Variants in AAK1 observed in about 807,000 individuals in gnomAD.
AAK1 encodes AP2 associated kinase 1.
In AAK1, 37 loss-of-function variants were observed where a neutral mutation model predicts 116.0. That is an observed-to-expected ratio of 0.32 (90% CI 0.25 to 0.42). AAK1 has a LOEUF of 0.42. Ranked by LOEUF, AAK1 falls within the 10% of genes least tolerant of loss-of-function variation. AAK1 has a pLI of 1.00. For synonymous variants in AAK1, 458 were observed against 439.9 expected (o/e 1.04, Z -0.51); for missense variants, 919 against 1,170.6 (o/e 0.79, Z 3.14).
At chr2:69,484,481 T>C (rs950905205) in intron 17 of AAK1, among the ~76,000 whole-genome samples, 1 of 152,198 alleles carries the variant, frequency 6.6e-6, no homozygotes, top group Non-Finnish European at 1.5e-5. Context: ...ATCTCATTTA[T>C]ACCTCGTTTA....
In AAK1 at chr2:69,465,505, A is replaced by G. The variant is rs763766817; in HGVS notation, c.*10364T>C. 5.4e-6 allele frequency: 7 copies of G among 1,290,886 alleles called. No homozygotes were observed. Among genetic ancestry groups the G allele is most frequent in the South Asian group, 3.7e-5 (3 of 81,020 alleles). 80.0% of individuals were successfully genotyped at this position (1,290,886 alleles called of 1,614,324 possible). The stretch of plus-strand genomic sequence containing the variant: ...GCTGGCAGCTCCGTAGTCCTGGAGG[A>G]AAGGGATGTGATAGAAACAGACCCA... On this transcript the variant is annotated 3_prime_UTR_variant, in exon 22 of 22. Transcript: ENST00000409085.
chr2:69,476,871 T>C lies in AAK1; in HGVS notation c.2791+9A>G, dbSNP rs1395806712. The stretch of plus-strand genomic sequence containing the variant: ...CAAGCTCTTCTCTTTTCCCCATCCT[T>C]TTTCTTACCTTGTGGGTTTTTGGTT... On this transcript the variant is annotated intron_variant, in intron 21 of 21. Transcript: ENST00000409085. The C allele has an allele frequency of 6.2e-7, 1 of 1,606,854 alleles. No individual in the cohort carries two copies. Among genetic ancestry groups the C allele is most frequent in the Non-Finnish European group, 8.5e-7 (1 of 1,174,514 alleles).
Position 69,508,585 on chromosome 2 carries a change from C to T in AAK1, c.2006+646G>A, listed in dbSNP as rs1032957362. On this transcript the variant is annotated intron_variant, in intron 14 of 21. Transcript: ENST00000409085. Reference sequence around the variant, plus strand: ...GTCTTGGAGAACTCACAAACCAGTTCGGTCAGACATACAAATAATTAACGA... The same window carrying T: ...GTCTTGGAGAACTCACAAACCAGTTTGGTCAGACATACAAATAATTAACGA... 5.9e-5 allele frequency among the ~76,000 whole-genome samples: 9 copies of T among 152,124 alleles called. No individual in the cohort carries two copies. The East Asian group carries it at 1.5e-3, about 26-fold the overall frequency.
At chr2:69,477,051 G>GGCACA in intron 20 of AAK1, 61 bp from the exon 21 acceptor site, 1 of 1,115,008 alleles carries the variant, frequency 9.0e-7, no homozygotes, top group Non-Finnish European at 1.3e-6. Flanking sequence ...GCAAATGAGA[G>GGCACA]AATGTGAAAG....
At position 69,465,404 on chromosome 2, in the gene AAK1, C is replaced by A; in HGVS notation, c.*10465G>T. ...TTGAGGGTGGGATAGAGACAAGAGG[C>A]TTGAGGCTCAGGTTTTGCTCCTAGG... On this transcript the variant is annotated 3_prime_UTR_variant, in exon 22 of 22. Transcript: ENST00000409085. 7.9e-7 allele frequency: 1 copy of A among 1,267,674 alleles called. No individual in the cohort carries two copies. The highest frequency in any genetic ancestry group is 2.4e-5 in the Admixed American group (1 of 41,888). 78.5% of individuals were successfully genotyped at this position (1,267,674 alleles called of 1,614,324 possible).
chr2:69,581,952 A>T (rs1672565380), intron 2 of AAK1, among the ~76,000 whole-genome samples: 1 of 152,100 alleles, frequency 6.6e-6, no homozygotes, highest in African/African-American at 2.4e-5. Flanking sequence ...ACTGCATTCC[A>T]GCCTGGGTGA....
intron 16 of AAK1, among the ~76,000 whole-genome samples, chr2:69,502,654 C>T (rs1676025950): frequency 6.6e-6 from 1 of 151,802 alleles, no homozygotes. Flanking sequence ...ATAAGGTTCT[C>T]TGTCTACAGT....
chr2:69,518,949 C>A lies in AAK1; in HGVS notation c.1497+5G>T. ...CAAGCAAGGGCCACACTCTGACCAC[C>A]TTACCTGCTGAGTCTGGGCCTGCTG... On this transcript the variant is annotated splice_donor_5th_base_variant and intron_variant, in intron 12 of 21. Transcript: ENST00000409085. 6.5e-7 allele frequency: 1 copy of A among 1,539,306 alleles called. No individual in the cohort carries two copies. The highest frequency in any genetic ancestry group is 8.8e-7 in the Non-Finnish European group (1 of 1,140,806).
chr2:69,522,233 T>C (rs1669820120), intron 10 of AAK1, among the ~76,000 whole-genome samples: 1 of 152,190 alleles, frequency 6.6e-6, no homozygotes, highest in Admixed American at 6.5e-5. Flanking sequence ...GTTTCAAGAA[T>C]ATTTCCAAAG....
intron 2 of AAK1, among the ~76,000 whole-genome samples, chr2:69,590,329 G>C (rs564784125): frequency 3.3e-5 from 5 of 152,230 alleles, no homozygotes; most frequent in South Asian, 4.1e-4. Flanking sequence ...CAGCAGAAAT[G>C]CTAAGGATTA....
chr2:69,599,391 A>AC (rs931822630), intron 2 of AAK1, among the ~76,000 whole-genome samples: 12 of 140,960 alleles, frequency 8.5e-5, no homozygotes, highest in African/African-American at 2.9e-4. Flanking sequence ...AAAAAAAAAA[A>AC]AAAAAAACTT....
chr2:69,465,887 G>A lies in AAK1; in HGVS notation c.*9982C>T, dbSNP rs184211617. The A allele has an allele frequency of 3.1e-6, 4 of 1,290,876 alleles. No individual in the cohort carries two copies. In the Admixed American group the frequency reaches 6.9e-5, roughly 22 times the overall value. The allele number at this position is 1,290,876 out of a possible 1,614,324, so 80.0% of individuals were successfully genotyped here. A position where few individuals can be genotyped will look rare whatever the true frequency, so the allele number is the denominator to read the frequency against. On this transcript the variant is annotated 3_prime_UTR_variant, in exon 22 of 22. Coordinates refer to ENST00000409085, the MANE Select transcript of AAK1 (RefSeq NM_014911.5). ...CTCTCTCACGGCCCGCGGGCAGGGG[G>A]ACATCACCTGTCTGACTGAGGAGAC... is the stretch of plus-strand genomic sequence containing the variant.
intron 2 of AAK1, among the ~76,000 whole-genome samples, chr2:69,611,409 C>A (rs1367109561): frequency 6.6e-6 from 1 of 152,164 alleles, no homozygotes; most frequent in Admixed American, 6.5e-5. Context: ...AGACTGGGGG[C>A]TGCACTGTCA....
At position 69,466,325 on chromosome 2, in the gene AAK1, G is replaced by A; in HGVS notation, c.*9544C>T. On this transcript the variant is annotated 3_prime_UTR_variant, in exon 22 of 22. Coordinates refer to ENST00000409085, the MANE Select transcript of AAK1 (RefSeq NM_014911.5). ...TAAGGAGAGGCCGAGACCCACTGCA[G>A]TCCAGCATGTCTCCTTCAAGGTCAG... The A allele has an allele frequency of 7.8e-7, 1 of 1,289,826 alleles. No homozygotes were observed. The highest frequency in any genetic ancestry group is 1.0e-6 in the Non-Finnish European group (1 of 988,864). The allele number at this position is 1,289,826 out of a possible 1,614,324, so 79.9% of individuals were successfully genotyped here.
intron 2 of AAK1, among the ~76,000 whole-genome samples, chr2:69,582,396 T>TGC (rs1052652806): frequency 6.7e-6 from 1 of 149,534 alleles, no homozygotes; most frequent in South Asian, 2.1e-4. Context: ...CGTGTGTGTG[T>TGC]GCGTGTGTGT....
In AAK1 at chr2:69,516,600, A is replaced by C. The variant is rs1259921355; in HGVS notation, c.1498-1851T>G. 1.1e-4 allele frequency among the ~76,000 whole-genome samples: 17 copies of C among 152,228 alleles called. 1 individual carries two copies. The highest frequency in any genetic ancestry group is 1.1e-3 in the Admixed American group (17 of 15,284). On this transcript the variant is annotated intron_variant, in intron 12 of 21. Transcript: ENST00000409085. ...CAAGTTGAGGGCAGCATGATCCTAG[A>C]GGGCAGCATGATCCTAGATAGCAAG...
At chr2:69,628,627 A>C (rs1254761542) in intron 2 of AAK1, among the ~76,000 whole-genome samples, 2 of 152,238 alleles carry the variant, frequency 1.3e-5, no homozygotes, top group Non-Finnish European at 2.9e-5. Flanking sequence ...AAATCACCAC[A>C]TAATTGCTGG....
At chr2:69,499,836 G>GT (rs1455757586) in intron 16 of AAK1, 1 of 152,122 alleles carries the variant, frequency 6.6e-6, no homozygotes. Flanking sequence ...TACAAATACT[G>GT]TAAAATGTCA....
In AAK1 at chr2:69,473,403, G is replaced by C. The variant is rs912735903; in HGVS notation, c.*2466C>G. ...AGGGATGATGCTCTAAACCAAGGAA[G>C]GCTCCGTTTACCAAAGCACTCATAT... On this transcript the variant is annotated 3_prime_UTR_variant, in exon 22 of 22. Coordinates refer to ENST00000409085, the MANE Select transcript of AAK1 (RefSeq NM_014911.5). 2.0e-6 allele frequency: 2 copies of C among 985,454 alleles called. No individual in the cohort carries two copies. The highest frequency in any genetic ancestry group is 2.4e-6 in the Non-Finnish European group (2 of 829,954). 61.0% of individuals were successfully genotyped at this position (985,454 alleles called of 1,614,324 possible). A position where few individuals can be genotyped will look rare whatever the true frequency, so the allele number is the denominator to read the frequency against.
Sources: allele counts gnomAD v4.1 joint callset (sites outside exome capture counted in the v4.1 genomes callset), GRCh38; gene constraint gnomAD v4.1.1; transcripts MANE v1.5; gene names NCBI Gene and HGNC (gene_info 2026-07-23, HGNC 2026-07-21).